The following NPM1 variants were observed in gnomAD, a reference collection of about 807,000 sequenced individuals.
NPM1 encodes the protein nucleophosmin 1.
NPM1 carries 1 observed loss-of-function variant against 44.1 expected under a neutral mutation model. The ratio of observed to expected loss-of-function variants is 0.02; its 90% CI spans 0.01 to 0.11. NPM1 has a LOEUF of 0.11. Ranked by LOEUF, NPM1 falls within the 10% of genes least tolerant of loss-of-function variation. The pLI, the probability that NPM1 is intolerant of heterozygous loss-of-function variation, is 1.00. For missense variants in NPM1, 197 were observed against 347.8 expected (o/e 0.57, Z 3.45); for synonymous variants, 126 against 111.8 (o/e 1.13, Z -0.80).
intron 1 of NPM1, 124 bp from the exon 2 acceptor site, chr5:171,389,927 C>T: frequency 1.6e-6 from 1 of 636,084 alleles, no homozygotes; most frequent in Non-Finnish European, 2.8e-6. Flanking sequence ...TTCTGCTTTG[C>T]CCTCTGGTAG....
In NPM1 at chr5:171,388,557, G is replaced by A. The variant is rs527286318; in HGVS notation, c.58+551G>A. Reference sequence around the variant, plus strand: ...GGGAGGCGCGGCGCGGCGTGAGGAGGCCGCAACCGCTGGGAGCACGTGGTT... The same window carrying A: ...GGGAGGCGCGGCGCGGCGTGAGGAGACCGCAACCGCTGGGAGCACGTGGTT... On this transcript the variant is annotated intron_variant, in intron 1 of 10. Transcript: ENST00000296930. Among the ~76,000 whole-genome samples the A allele has an allele frequency of 7.8e-5, 11 of 141,652 alleles. No homozygotes were observed. The South Asian group carries it at 2.0e-3, about 25-fold the overall frequency. The allele number at this position is 141,652 out of a possible 152,430, so 92.9% of individuals were successfully genotyped here.
intron 8 of NPM1, among the ~76,000 whole-genome samples, chr5:171,404,549 A>G (rs1216014088): frequency 1.3e-5 from 1 of 76,222 alleles, no homozygotes. Flanking sequence ...GCGGCCGGGC[A>G]GAGACGCTCC....
chr5:171,391,860 C>T, intron 4 of NPM1, 61 bp downstream of exon 4: 1 of 1,033,564 alleles, frequency 9.7e-7, no homozygotes, highest in Non-Finnish European at 1.5e-6. Context: ...TTGCTTGGTT[C>T]CCAGTTTGGA....
At chr5:171,406,518 T>G in intron 9 of NPM1, 1 of 1,561,440 alleles carries the variant, frequency 6.4e-7, no homozygotes, top group Non-Finnish European at 8.6e-7. Context: ...AGTCTTCTAT[T>G]TTAATCTCAA....
At chr5:171,391,672 A>G (rs752629938) in intron 3 of NPM1, 34 bp from the exon 4 acceptor site, 4 of 1,388,280 alleles carry the variant, frequency 2.9e-6, no homozygotes, top group Non-Finnish European at 4.1e-6. Context: ...CATTTTCTTC[A>G]CATGTTTAGT....
chr5:171,398,026 C>T (rs1771002394), intron 6 of NPM1, among the ~76,000 whole-genome samples: 1 of 151,926 alleles, frequency 6.6e-6, no homozygotes, highest in Non-Finnish European at 1.5e-5. Flanking sequence ...CTCCTGAGGT[C>T]AGGCCCGCCT....
intron 6 of NPM1, among the ~76,000 whole-genome samples, chr5:171,397,455 C>T (rs1770966329): frequency 6.6e-6 from 1 of 152,302 alleles, no homozygotes; most frequent in African/African-American, 2.4e-5. Flanking sequence ...TACACCCTCA[C>T]TTGCCATTAT....
At chr5:171,391,179 TAAC>T (rs772584704) in intron 2 of NPM1, 123 bp from the exon 3 acceptor site, 39 of 1,093,210 alleles carry the variant, frequency 3.6e-5, no homozygotes, top group African/African-American at 7.9e-5. Context: ...TGAAATTGTC[TAAC>T]AACACATTTC....
chr5:171,400,804 C>A, intron 7 of NPM1, 35 bp from the exon 8 acceptor site: 1 of 1,372,670 alleles, frequency 7.3e-7, no homozygotes, highest in South Asian at 1.2e-5. Context: ...TTGTTGGGGT[C>A]AGGGACAGTG....
intron 6 of NPM1, 54 bp downstream of exon 6, chr5:171,393,032 A>T (rs1397843119): frequency 1.3e-6 from 2 of 1,565,820 alleles, no homozygotes; most frequent in East Asian, 4.6e-5. Context: ...CAAAAAAAGG[A>T]ATTTGACATA....
chr5:171,407,901 A>C (rs1771653900), intron 10 of NPM1, 127 bp downstream of exon 10: 1 of 624,114 alleles, frequency 1.6e-6, no homozygotes. Flanking sequence ...TATTTCATTT[A>C]ATGAAATACC....
chr5:171,403,526 C>T (rs1771349823), intron 8 of NPM1, among the ~76,000 whole-genome samples: 1 of 121,090 alleles, frequency 8.3e-6, no homozygotes, highest in Non-Finnish European at 1.8e-5. Context: ...GTTGGGCACA[C>T]CTCCCAGACG....
chr5:171,409,969 T>C (rs1225767652), intron 10 of NPM1, among the ~76,000 whole-genome samples: 2 of 152,162 alleles, frequency 1.3e-5, no homozygotes, highest in African/African-American at 2.4e-5. Flanking sequence ...GGCTAATTTT[T>C]GCATTTTTAG....
rs1322069827 is a variant in NPM1 at position 171,391,815 on chromosome 5, A to G, written c.352+16A>G. 6.8e-6 allele frequency: 10 copies of G among 1,466,344 alleles called. No individual in the cohort carries two copies. Among genetic ancestry groups the G allele is most frequent in the East Asian group, 2.3e-5 (1 of 44,206 alleles). The allele number at this position is 1,466,344 out of a possible 1,614,324, so 90.8% of individuals were successfully genotyped here. A position where few individuals can be genotyped will look rare whatever the true frequency, so the allele number is the denominator to read the frequency against. On this transcript the variant is annotated intron_variant, in intron 4 of 10. Coordinates refer to ENST00000296930, the MANE Select transcript of NPM1 (RefSeq NM_002520.7). ...CACTTAGTAGGTATGTTATTTTTAT[A>G]TATTATACTACTTAGTTTGTCCTCT...
At chr5:171,406,968 A>G (rs1771605946) in intron 9 of NPM1, 2 of 156,714 alleles carry the variant, frequency 1.3e-5, no homozygotes, top group African/African-American at 4.8e-5. Flanking sequence ...ATAAATACAA[A>G]CATTTCAAGA....
chr5:171,389,727 T>G (rs540773508), intron 1 of NPM1, among the ~76,000 whole-genome samples: 32 of 152,344 alleles, frequency 2.1e-4, no homozygotes, highest in South Asian at 8.3e-4. Context: ...AAACTTAACA[T>G]TGGACATTAC....
intron 10 of NPM1, among the ~76,000 whole-genome samples, chr5:171,409,493 A>G (rs1247460270): frequency 3.9e-5 from 6 of 152,200 alleles, no homozygotes; most frequent in Non-Finnish European, 5.9e-5. Context: ...CAGAGGTTGC[A>G]GTGAGCGCCA....
chr5:171,400,132 G>A lies in NPM1; in HGVS notation c.525-21G>A, dbSNP rs1040144416. On this transcript the variant is annotated intron_variant, in intron 6 of 10. Coordinates refer to ENST00000296930, the MANE Select transcript of NPM1 (RefSeq NM_002520.7). ...CTCCCAAATTTTGAAAGTGCTTAAT[G>A]TCTTGACATTTCATTTGTAGTGATG... is the stretch of plus-strand genomic sequence containing the variant. 7 of 1,427,040 alleles carry A rather than the reference G, an allele frequency of 4.9e-6. No individual in the cohort carries two copies. In the Admixed American group the frequency reaches 1.0e-4, roughly 20 times the overall value. 88.4% of individuals were successfully genotyped at this position (1,427,040 alleles called of 1,614,324 possible).
Position 171,400,915 on chromosome 5 carries a change from C to T in NPM1, c.659C>T (p.Pro220Leu). 6.2e-7 allele frequency: 1 copy of T among 1,608,846 alleles called. No homozygotes were observed. Among genetic ancestry groups the T allele is most frequent in the Non-Finnish European group, 8.5e-7 (1 of 1,176,734 alleles). ...AAAGACTCAAAACCATCATCAACAC[C>T]AAGATCAAAAGTAAGTGGCTACATT... ...NGKDSKPSSTPRSKGQESFKK... is the reference protein window; with the variant it reads ...NGKDSKPSSTLRSKGQESFKK... The change falls in exon 8 of 11, where the codon CCA becomes CTA. Residue 220 changes from proline (P) to leucine (L), a missense_variant. Transcript: ENST00000296930.
Sources: allele counts gnomAD v4.1 joint callset (sites outside exome capture counted in the v4.1 genomes callset), GRCh38; gene constraint gnomAD v4.1.1; transcripts MANE v1.5; gene names NCBI Gene and HGNC (gene_info 2026-07-23, HGNC 2026-07-21).